Variants in MBD5 observed in about 807,000 individuals in gnomAD.
MBD5 encodes methyl-CpG-binding domain protein 5.
In MBD5, 13 loss-of-function variants were observed where a neutral mutation model predicts 117.3. The ratio of observed to expected loss-of-function variants is 0.11; its 90% CI spans 0.07 to 0.18. MBD5 has a LOEUF of 0.18. Among genes scored for constraint, MBD5 ranks in the 10% least tolerant of loss-of-function variants. MBD5 has a pLI of 1.00. For synonymous variants in MBD5, 727 were observed against 766.4 expected (o/e 0.95, Z 0.85); for missense variants, 1,879 against 2,093.8 (o/e 0.90, Z 2.00).
At chr2:148,334,819 G>A (rs72618899) in intron 3 of MBD5, among the ~76,000 whole-genome samples, 2,424 of 152,108 alleles carry the variant, frequency 0.016, 77 homozygotes, top group Admixed American at 0.08. Context: ...AATATCTTTT[G>A]AAATGCCAAT....
intron 1 of MBD5, among the ~76,000 whole-genome samples, chr2:148,047,633 A>C (rs887897750): frequency 7.9e-5 from 12 of 152,202 alleles, no homozygotes; most frequent in African/African-American, 2.9e-4. Context: ...CCTTTGAAGA[A>C]ATTTAGAGTG....
At chr2:148,258,487 C>G (rs1700645865) in intron 3 of MBD5, among the ~76,000 whole-genome samples, 2 of 152,170 alleles carry the variant, frequency 1.3e-5, no homozygotes, top group Admixed American at 6.5e-5. Flanking sequence ...CAGTGGATCG[C>G]TAATTCCACA....
chr2:148,185,925 G>T (rs185480229), intron 2 of MBD5, among the ~76,000 whole-genome samples: 2 of 152,128 alleles, frequency 1.3e-5, no homozygotes, highest in East Asian at 3.8e-4. Flanking sequence ...ATGGGTTTGC[G>T]TAGGATAGTT....
chr2:148,042,381 G>A (rs1694385364), intron 1 of MBD5, among the ~76,000 whole-genome samples: 1 of 151,650 alleles, frequency 6.6e-6, no homozygotes, highest in African/African-American at 2.4e-5. Flanking sequence ...AGGAAGAAAA[G>A]GTATTTATGA....
chr2:148,417,365 C>G (rs1705455838), intron 4 of MBD5, among the ~76,000 whole-genome samples: 1 of 147,904 alleles, frequency 6.8e-6, no homozygotes, highest in Admixed American at 6.9e-5. Context: ...CCTTGAACTC[C>G]TGAGCTCAAG....
intron 2 of MBD5, among the ~76,000 whole-genome samples, chr2:148,224,022 G>T (rs1356324197): frequency 6.6e-6 from 1 of 152,040 alleles, no homozygotes; most frequent in African/African-American, 2.4e-5. Context: ...CCATGTATTT[G>T]TACAGTTTAC....
At chr2:148,364,083 G>C (rs576153750) in intron 4 of MBD5, among the ~76,000 whole-genome samples, 21 of 152,176 alleles carry the variant, frequency 1.4e-4, no homozygotes, top group Admixed American at 2.6e-4. Context: ...AAATATTAAG[G>C]GCAGAAGAGA....
intron 2 of MBD5, among the ~76,000 whole-genome samples, chr2:148,180,554 A>G (rs977743908): frequency 1.3e-5 from 2 of 151,558 alleles, no homozygotes; most frequent in Non-Finnish European, 2.9e-5. Context: ...GTTTTGAGGC[A>G]GGGTCTTATT....
At chr2:148,055,090 T>G (rs1694820218) in intron 1 of MBD5, 1 of 152,230 alleles carries the variant, frequency 6.6e-6, no homozygotes, top group South Asian at 2.1e-4. Context: ...GGGATTCTTT[T>G]TATGTTCTGA....
chr2:148,485,971 A>G, intron 10 of MBD5, 21 bp downstream of exon 10: 1 of 1,606,572 alleles, frequency 6.2e-7, no homozygotes, highest in South Asian at 1.1e-5. Flanking sequence ...CTGCTGTGTC[A>G]TTTTAGAAGA....
At chr2:148,052,205 A>AGTTTT (rs1694725915) in intron 1 of MBD5, among the ~76,000 whole-genome samples, 1 of 71,182 alleles carries the variant, frequency 1.4e-5, no homozygotes, top group Admixed American at 1.5e-4. Context: ...ACTGTTATTG[A>AGTTTT]GTTTTTTTTT....
chr2:148,427,984 G>A (rs953140167), intron 4 of MBD5, among the ~76,000 whole-genome samples: 3 of 152,120 alleles, frequency 2.0e-5, no homozygotes, highest in African/African-American at 7.2e-5. Context: ...AGTATTGGAA[G>A]TGTTGGCCAA....
At chr2:148,397,580 C>T (rs563205636) in intron 4 of MBD5, among the ~76,000 whole-genome samples, 19 of 152,276 alleles carry the variant, frequency 1.2e-4, no homozygotes, top group African/African-American at 4.3e-4. Context: ...CCACCCGCCT[C>T]GGCCTCCCAA....
intron 1 of MBD5, among the ~76,000 whole-genome samples, chr2:148,141,820 A>T (rs1697322947): frequency 6.6e-6 from 1 of 151,940 alleles, no homozygotes; most frequent in African/African-American, 2.4e-5. Flanking sequence ...TAATAAAAAT[A>T]AAAATTCAAG....
intron 11 of MBD5, among the ~76,000 whole-genome samples, chr2:148,494,157 A>C (rs1317110346): frequency 6.6e-6 from 1 of 152,210 alleles, no homozygotes; most frequent in Non-Finnish European, 1.5e-5. Context: ...GAATTGTGGT[A>C]ATTTGACCTT....
intron 4 of MBD5, among the ~76,000 whole-genome samples, chr2:148,408,819 A>T (rs745317116): frequency 7.3e-5 from 11 of 151,326 alleles, no homozygotes; most frequent in Admixed American, 4.6e-4. Context: ...CTGAACATGT[A>T]TGTACAGGCT....
intron 4 of MBD5, among the ~76,000 whole-genome samples, chr2:148,444,781 T>C (rs934152153): frequency 6.6e-6 from 1 of 150,962 alleles, no homozygotes; most frequent in African/African-American, 2.5e-5. Flanking sequence ...ATAACAAGTA[T>C]CATTCAGTGT....
At chr2:148,405,286 G>GA (rs1478293139) in intron 4 of MBD5, among the ~76,000 whole-genome samples, 1 of 152,192 alleles carries the variant, frequency 6.6e-6, no homozygotes, top group African/African-American at 2.4e-5. Context: ...GTGCTATGTA[G>GA]AAAATAACAT....
At chr2:148,370,679 G>A (rs184150570) in intron 4 of MBD5, among the ~76,000 whole-genome samples, 56 of 152,170 alleles carry the variant, frequency 3.7e-4, no homozygotes, top group African/African-American at 1.3e-3. Flanking sequence ...AGTAGAGACA[G>A]GGTTTCACTG....
Sources: allele counts gnomAD v4.1 joint callset (sites outside exome capture counted in the v4.1 genomes callset), GRCh38; gene constraint gnomAD v4.1.1; transcripts MANE v1.5; gene names NCBI Gene and HGNC (gene_info 2026-07-23, HGNC 2026-07-21).